Variants in CNTN5 observed in about 807,000 individuals in gnomAD.
CNTN5 encodes the protein contactin 5.
In CNTN5, 77 loss-of-function variants were observed where a neutral mutation model predicts 129.1. The ratio of observed to expected loss-of-function variants is 0.60; its 90% CI spans 0.50 to 0.72. CNTN5 has a LOEUF of 0.72. Ranked by LOEUF, CNTN5 falls within the 30% of genes least tolerant of loss-of-function variation. The pLI is 0.00. For missense variants in CNTN5, 1,478 were observed against 1,328.8 expected (o/e 1.11, Z -1.75); for synonymous variants, 509 against 465.6 (o/e 1.09, Z -1.20).
chr11:99,341,154 A>G (rs1284293417), intron 2 of CNTN5, among the ~76,000 whole-genome samples: 1 of 152,188 alleles, frequency 6.6e-6, no homozygotes, highest in East Asian at 1.9e-4. Context: ...ACTGGAAGAG[A>G]GGCTTCTCTA....
chr11:99,502,536 G>A (rs1186639137), intron 2 of CNTN5, among the ~76,000 whole-genome samples: 1 of 152,048 alleles, frequency 6.6e-6, no homozygotes, highest in Non-Finnish European at 1.5e-5. Context: ...CTGCTGCCTT[G>A]AGAGGAAGGT....
intron 6 of CNTN5, among the ~76,000 whole-genome samples, chr11:99,880,914 T>A (rs1336173962): frequency 6.6e-6 from 1 of 152,182 alleles, no homozygotes; most frequent in Non-Finnish European, 1.5e-5. Context: ...TTTAAAAAAA[T>A]TGTCTCTCTT....
intron 6 of CNTN5, among the ~76,000 whole-genome samples, chr11:99,882,861 T>TC (rs1225674113): frequency 6.6e-6 from 1 of 152,096 alleles, no homozygotes; most frequent in Non-Finnish European, 1.5e-5. Context: ...TCCTCTTTAT[T>TC]CCCCCCACCT....
At chr11:99,592,980 G>A (rs1300611836) in intron 3 of CNTN5, among the ~76,000 whole-genome samples, 2 of 152,064 alleles carry the variant, frequency 1.3e-5, no homozygotes, top group Admixed American at 6.6e-5. Flanking sequence ...AGAGAAAAAG[G>A]GAGGCAATGG....
chr11:99,134,863 C>T (rs1206199849), intron 1 of CNTN5, among the ~76,000 whole-genome samples: 2 of 152,092 alleles, frequency 1.3e-5, no homozygotes, highest in East Asian at 1.9e-4. Flanking sequence ...TACTAGGTAA[C>T]AAATAAAATA....
At chr11:99,743,403 A>T (rs1422730674) in intron 3 of CNTN5, among the ~76,000 whole-genome samples, 1 of 152,198 alleles carries the variant, frequency 6.6e-6, no homozygotes, top group Non-Finnish European at 1.5e-5. Flanking sequence ...AATTCCTGGG[A>T]GGAAGTGTGT....
rs943088821 is a variant in CNTN5 at position 99,600,278 on chromosome 11, A to G, written c.55+44009A>G. 2.0e-5 allele frequency among the ~76,000 whole-genome samples: 3 copies of G among 152,178 alleles called. No individual in the cohort carries two copies. The South Asian group carries it at 6.2e-4, about 31-fold the overall frequency. On this transcript the variant is annotated intron_variant, in intron 3 of 24. Transcript: ENST00000524871. ...GTAAATATATTTTCTCTAATTTTAAACCTAGTAACCAATTACTTGCTATGT... is the reference window on the plus strand; with the variant it reads ...GTAAATATATTTTCTCTAATTTTAAGCCTAGTAACCAATTACTTGCTATGT...
In CNTN5 at chr11:100,193,383, C is replaced by A. The variant is rs551371281; in HGVS notation, c.1709-105C>A. On this transcript the variant is annotated intron_variant, in intron 14 of 24. Coordinates refer to ENST00000524871, the MANE Select transcript of CNTN5 (RefSeq NM_014361.4). ...AAGCTGGTATATGTATCTGGAGCAACTGTATTGTATAGATTTCTTCTTTTC... is the reference window on the plus strand; with the variant it reads ...AAGCTGGTATATGTATCTGGAGCAAATGTATTGTATAGATTTCTTCTTTTC... 2.1e-5 allele frequency: 14 copies of A among 672,136 alleles called. No individual in the cohort carries two copies. In the East Asian group the frequency reaches 4.3e-4, roughly 21 times the overall value. The allele number at this position is 672,136 out of a possible 1,614,324, so 41.6% of individuals were successfully genotyped here. A position where few individuals can be genotyped will look rare whatever the true frequency, so the allele number is the denominator to read the frequency against.
intron 10 of CNTN5, among the ~76,000 whole-genome samples, chr11:100,064,950 A>G (rs940421946): frequency 1.3e-5 from 2 of 152,160 alleles, no homozygotes; most frequent in African/African-American, 4.8e-5. Context: ...AAATCTCATT[A>G]TATAAAGATG....
intron 3 of CNTN5, among the ~76,000 whole-genome samples, chr11:99,781,834 A>G (rs577784514): frequency 3.3e-5 from 5 of 152,160 alleles, no homozygotes; most frequent in Admixed American, 6.5e-5. Context: ...TCTCAAAATA[A>G]TAAGAGCTAT....
chr11:99,915,516 C>T (rs1386801796), intron 6 of CNTN5, among the ~76,000 whole-genome samples: 1 of 152,114 alleles, frequency 6.6e-6, no homozygotes, highest in African/African-American at 2.4e-5. Context: ...ATGAAAGTCA[C>T]ATAACTTTCT....
chr11:99,123,984 C>T (rs1447616907), intron 1 of CNTN5, among the ~76,000 whole-genome samples: 1 of 151,862 alleles, frequency 6.6e-6, no homozygotes, highest in Non-Finnish European at 1.5e-5. Context: ...TACCTTGGTC[C>T]TTTTTTCTTA....
intron 1 of CNTN5, among the ~76,000 whole-genome samples, chr11:99,213,671 A>G (rs1190020840): frequency 6.6e-6 from 1 of 152,004 alleles, no homozygotes; most frequent in Non-Finnish European, 1.5e-5. Context: ...GCAAAATTAA[A>G]GTATTACAGA....
chr11:100,053,715 G>GC (rs34556899), intron 9 of CNTN5, among the ~76,000 whole-genome samples: 72 of 151,794 alleles, frequency 4.7e-4, no homozygotes, highest in African/African-American at 1.7e-3. Context: ...GAATTTCTAT[G>GC]CTTTTTACTT....
In CNTN5 at chr11:99,743,054, C is replaced by T. The variant is rs1235596137; in HGVS notation, c.56-76490C>T. On this transcript the variant is annotated intron_variant, in intron 3 of 24. Coordinates refer to ENST00000524871, the MANE Select transcript of CNTN5 (RefSeq NM_014361.4). The stretch of plus-strand genomic sequence containing the variant: ...TTGGACAGCTACTCTCAACATTAGC[C>T]ATGAAGCACTTCAAATGAAGGGATA... 3.3e-5 allele frequency among the ~76,000 whole-genome samples: 5 copies of T among 152,220 alleles called. No homozygotes were observed. In the East Asian group the frequency reaches 9.7e-4, roughly 29 times the overall value.
intron 6 of CNTN5, among the ~76,000 whole-genome samples, chr11:99,846,357 CAAAAAAAAA>C (rs35705639): frequency 1.1e-4 from 7 of 61,422 alleles, no homozygotes; most frequent in African/African-American, 4.6e-4. Flanking sequence ...GGATCTGTCT[CAAAAAAAAA>C]AAAAAAAAAA....
At chr11:99,824,009 C>A (rs982533596) in intron 4 of CNTN5, among the ~76,000 whole-genome samples, 5 of 152,044 alleles carry the variant, frequency 3.3e-5, no homozygotes, top group African/African-American at 7.2e-5. Flanking sequence ...AAGTTCATTT[C>A]ATTTCCTGTA....
At position 99,616,850 on chromosome 11, in the gene CNTN5, C is replaced by A. The variant is rs1158509374; in HGVS notation, c.55+60581C>A. 3.9e-5 allele frequency among the ~76,000 whole-genome samples: 6 copies of A among 152,212 alleles called. No individual in the cohort carries two copies. In the East Asian group the frequency reaches 7.7e-4, roughly 20 times the overall value. On this transcript the variant is annotated intron_variant, in intron 3 of 24. Coordinates refer to ENST00000524871, the MANE Select transcript of CNTN5 (RefSeq NM_014361.4). Reference sequence around the variant, plus strand: ...TTATGGCCTGGTGCAGTGGCTCACGCCTGTAATCCCAGCACTTTGGGAGGC... The same window carrying A: ...TTATGGCCTGGTGCAGTGGCTCACGACTGTAATCCCAGCACTTTGGGAGGC...
intron 2 of CNTN5, among the ~76,000 whole-genome samples, chr11:99,397,893 C>T (rs116178415): frequency 0.018 from 2,726 of 151,862 alleles, 66 homozygotes; most frequent in African/African-American, 0.062. Context: ...TTTATGGTCT[C>T]TTAGTTGAGA....
Sources: gnomAD v4.1 joint callset for allele counts (sites outside exome capture counted in the v4.1 genomes callset) on GRCh38, gnomAD v4.1.1 for gene constraint, MANE v1.5 for transcripts, NCBI Gene and HGNC (gene_info 2026-07-23, HGNC 2026-07-21) for gene names.